Variants in ARMC8 observed in about 807,000 individuals in gnomAD.
The protein encoded by ARMC8 is armadillo repeat-containing protein 8.
Under a neutral mutation model 99.3 loss-of-function variants are expected in ARMC8, and 20 were observed. The ratio of observed to expected loss-of-function variants is 0.20; its 90% CI spans 0.14 to 0.29. The LOEUF (loss-of-function observed/expected upper bound fraction) is 0.29. Among genes scored for constraint, ARMC8 ranks in the 10% least tolerant of loss-of-function variants. The probability of loss-of-function intolerance (pLI) is 1.00; values close to 1 mark genes in which losing one functional copy is unlikely to be tolerated. For missense variants in ARMC8, 569 were observed against 809.5 expected (o/e 0.70, Z 3.60); for synonymous variants, 263 against 278.3 (o/e 0.95, Z 0.55).
intron 12 of ARMC8, among the ~76,000 whole-genome samples, chr3:138,259,839 GC>G (rs2047596531): frequency 6.6e-6 from 1 of 152,160 alleles, no homozygotes; most frequent in South Asian, 2.1e-4. Flanking sequence ...CAGTGATTGA[GC>G]CCTAATGTTT....
intron 2 of ARMC8, among the ~76,000 whole-genome samples, chr3:138,215,593 T>C (rs1482783168): frequency 6.6e-6 from 1 of 152,222 alleles, no homozygotes; most frequent in Non-Finnish European, 1.5e-5. Context: ...ACATTTTTTA[T>C]GTTCCTTGGA....
At chr3:138,255,231 C>T (rs933027596) in intron 12 of ARMC8, among the ~76,000 whole-genome samples, 2 of 125,848 alleles carry the variant, frequency 1.6e-5, no homozygotes. Flanking sequence ...GAGATGGAGT[C>T]TCGCTCTGTT....
In ARMC8 at chr3:138,245,114, C is replaced by T. The variant is rs556604053; in HGVS notation, c.1065C>T (p.His355=). ...KRLDHDLKHA[H]ELRQAAFKLY... ...TTGATCATGATTTAAAACATGCTCA[C>T]GAACTCCGCCAGGCTGCATTCAAGC... is the stretch of plus-strand genomic sequence containing the variant. Residue 355 remains histidine (H), a synonymous_variant, in exon 12 of 22, where the codon CAC becomes CAT. Coordinates refer to ENST00000469044, the MANE Select transcript of ARMC8 (RefSeq NM_001363941.2). 1.4e-5 allele frequency: 23 copies of T among 1,614,064 alleles called. No homozygotes were observed. The Admixed American group carries it at 1.5e-4, about 11-fold the overall frequency.
At chr3:138,188,021 G>C in intron 1 of ARMC8, 1 of 243,868 alleles carries the variant, frequency 4.1e-6, no homozygotes, top group Non-Finnish European at 8.0e-6. Context: ...GCTCTCCCGG[G>C]CTTTGGCAAG....
chr3:138,192,897 T>A (rs746764398), intron 1 of ARMC8, among the ~76,000 whole-genome samples: 1 of 152,206 alleles, frequency 6.6e-6, no homozygotes, highest in African/African-American at 2.4e-5. Flanking sequence ...TTCATGTCCT[T>A]TTGCCCACTT....
intron 19 of ARMC8, among the ~76,000 whole-genome samples, chr3:138,285,820 C>A (rs1284365234): frequency 6.6e-6 from 1 of 152,208 alleles, no homozygotes; most frequent in African/African-American, 2.4e-5. Flanking sequence ...CTTACCACTT[C>A]AACCAGGGAT....
intron 6 of ARMC8, among the ~76,000 whole-genome samples, chr3:138,231,309 GATTT>G (rs201051623): frequency 0.036 from 5,410 of 151,956 alleles, 319 homozygotes; most frequent in African/African-American, 0.12. Flanking sequence ...TAAAAAATAA[GATTT>G]ATAATAGAAT....
intron 2 of ARMC8, among the ~76,000 whole-genome samples, chr3:138,212,359 C>T (rs1576628885): frequency 6.8e-6 from 1 of 147,112 alleles, no homozygotes; most frequent in African/African-American, 2.5e-5. Flanking sequence ...GCCCAGGCTG[C>T]AGTGCAATGG....
intron 12 of ARMC8, among the ~76,000 whole-genome samples, chr3:138,249,322 G>GAGA (rs2047022971): frequency 6.6e-6 from 1 of 151,814 alleles, no homozygotes; most frequent in Non-Finnish European, 1.5e-5. Context: ...ACTTAGCATA[G>GAGA]AGAAAAATGC....
At chr3:138,271,695 A>G (rs954190484) in intron 16 of ARMC8, among the ~76,000 whole-genome samples, 4 of 151,972 alleles carry the variant, frequency 2.6e-5, no homozygotes, top group African/African-American at 7.3e-5. Context: ...TCACATTATT[A>G]TGTAACTTGA....
chr3:138,237,350 T>A lies in ARMC8; in HGVS notation c.651T>A (p.Phe217Leu). ...QALKCFSVLA[F>L]ENPQVSMTLV... ...TGAAATGTTTCTCAGTTTTAGCTTT[T>A]GAAAACCCCCAGGTATCGATGACCC... is the stretch of plus-strand genomic sequence containing the variant. Residue 217 changes from phenylalanine (F) to leucine (L), a missense_variant, in exon 8 of 22, where the codon TTT becomes TTA. Phe to Leu is a conservative substitution (Grantham distance 22). Coordinates refer to ENST00000469044, the MANE Select transcript of ARMC8 (RefSeq NM_001363941.2). 6.2e-7 allele frequency: 1 copy of A among 1,613,822 alleles called. No homozygotes were observed. Among genetic ancestry groups the A allele is most frequent in the Non-Finnish European group, 8.5e-7 (1 of 1,179,920 alleles).
chr3:138,218,872 TGGGAAAA>T, intron 2 of ARMC8, among the ~76,000 whole-genome samples: 1 of 152,316 alleles, frequency 6.6e-6, no homozygotes, highest in South Asian at 2.1e-4. Context: ...TTTGGTCTAC[TGGGAAAA>T]GGGTATCTGA....
At chr3:138,271,316 C>A (rs2048766982) in intron 16 of ARMC8, among the ~76,000 whole-genome samples, 1 of 152,166 alleles carries the variant, frequency 6.6e-6, no homozygotes, top group Non-Finnish European at 1.5e-5. Flanking sequence ...AACATTCCCC[C>A]AAGTTTCAGT....
Position 138,272,958 on chromosome 3 carries a change from T to C in ARMC8, c.1480-9T>C. ...GACATGATTCTTGCAACTTCTTTAA[T>C]CCTTTCAGAATATGGCATTTCAGGC... On this transcript the variant is annotated splice_polypyrimidine_tract_variant and intron_variant, in intron 16 of 21. Coordinates refer to ENST00000469044, the MANE Select transcript of ARMC8 (RefSeq NM_001363941.2). 1.9e-6 allele frequency: 3 copies of C among 1,557,570 alleles called. No homozygotes were observed. The highest frequency in any genetic ancestry group is 2.6e-6 in the Non-Finnish European group (3 of 1,155,350).
At chr3:138,252,534 G>T (rs1255086227) in intron 12 of ARMC8, among the ~76,000 whole-genome samples, 1 of 149,090 alleles carries the variant, frequency 6.7e-6, no homozygotes, top group African/African-American at 2.5e-5. Flanking sequence ...GCTCACTGCA[G>T]CCTCCGTCTC....
At chr3:138,236,014 G>A (rs1425073921) in intron 7 of ARMC8, among the ~76,000 whole-genome samples, 2 of 152,062 alleles carry the variant, frequency 1.3e-5, no homozygotes, top group Non-Finnish European at 2.9e-5. Flanking sequence ...CACCATGTTA[G>A]CCAGGATGGT....
intron 2 of ARMC8, among the ~76,000 whole-genome samples, chr3:138,221,588 C>G (rs1173398067): frequency 6.6e-6 from 1 of 151,756 alleles, no homozygotes; most frequent in Non-Finnish European, 1.5e-5. Context: ...TGTTGTTGTT[C>G]GTTTAACTCA....
At chr3:138,213,725 C>T (rs1427047002) in intron 2 of ARMC8, among the ~76,000 whole-genome samples, 1 of 152,158 alleles carries the variant, frequency 6.6e-6, no homozygotes, top group African/African-American at 2.4e-5. Context: ...AGTTAAATCT[C>T]ATACTTGAAG....
At chr3:138,246,327 G>A (rs1049756281) in intron 12 of ARMC8, 48 of 985,314 alleles carry the variant, frequency 4.9e-5, no homozygotes, top group Admixed American at 1.8e-4. Context: ...TGTTTTTAGT[G>A]TATCCCTATG....
Sources: gnomAD v4.1 joint callset for allele counts (sites outside exome capture counted in the v4.1 genomes callset) on GRCh38, gnomAD v4.1.1 for gene constraint, MANE v1.5 for transcripts, NCBI Gene and HGNC (gene_info 2026-07-23, HGNC 2026-07-21) for gene names.